Variants in ADAMTS3 observed in about 807,000 individuals in gnomAD.
ADAMTS3 encodes the protein A disintegrin and metalloproteinase with thrombospondin motifs 3.
ADAMTS3 carries 73 observed loss-of-function variants against 129.0 expected under a neutral mutation model. The observed-to-expected ratio is 0.57, with a 90% CI of 0.47 to 0.69. ADAMTS3 has a LOEUF of 0.69. Among genes scored for constraint, ADAMTS3 ranks in the 30% least tolerant of loss-of-function variants. The probability of loss-of-function intolerance (pLI) is 0.00; values close to 1 mark genes in which losing one functional copy is unlikely to be tolerated. For synonymous variants in ADAMTS3, 477 were observed against 510.8 expected (o/e 0.93, Z 0.89); for missense variants, 1,457 against 1,514.5 (o/e 0.96, Z 0.63).
chr4:72,567,439 T>C (rs755209611), intron 1 of ADAMTS3, 38 bp from the exon 2 acceptor site: 3 of 1,604,990 alleles, frequency 1.9e-6, no homozygotes, highest in Admixed American at 1.7e-5. Context: ...AGAAAGTTAC[T>C]GGGTTTCATC....
chr4:72,550,297 G>A (rs904130783), intron 2 of ADAMTS3, among the ~76,000 whole-genome samples: 2 of 152,062 alleles, frequency 1.3e-5, no homozygotes, highest in South Asian at 2.1e-4. Context: ...CATGAGATCT[G>A]TAAATGAACC....
intron 4 of ADAMTS3, among the ~76,000 whole-genome samples, chr4:72,340,831 C>A (rs756426746): frequency 6.6e-6 from 1 of 152,052 alleles, no homozygotes; most frequent in Non-Finnish European, 1.5e-5. Context: ...AGAGAGTATT[C>A]AAAACTGCTG....
intron 3 of ADAMTS3, among the ~76,000 whole-genome samples, chr4:72,537,536 G>T (rs1402635015): frequency 6.6e-6 from 1 of 152,022 alleles, no homozygotes; most frequent in East Asian, 1.9e-4. Flanking sequence ...GCTCAGAAAA[G>T]ACCTGAGAAG....
chr4:72,514,986 T>G (rs569879890), intron 3 of ADAMTS3, among the ~76,000 whole-genome samples: 1 of 152,024 alleles, frequency 6.6e-6, no homozygotes, highest in Non-Finnish European at 1.5e-5. Flanking sequence ...CCCTCCCCGC[T>G]ACCCCCACCC....
At chr4:72,425,953 G>A (rs1376772030) in intron 3 of ADAMTS3, among the ~76,000 whole-genome samples, 1 of 152,092 alleles carries the variant, frequency 6.6e-6, no homozygotes, top group Non-Finnish European at 1.5e-5. Context: ...CCCATCAACA[G>A]TGTAAAAGTG....
At position 72,283,216 on chromosome 4, in the gene ADAMTS3, A is replaced by G; in HGVS notation, c.3538T>C (p.Ser1180Pro). The G allele has an allele frequency of 2.5e-6, 4 of 1,613,912 alleles. No homozygotes were observed. Among genetic ancestry groups the G allele is most frequent in the Non-Finnish European group, 3.4e-6 (4 of 1,179,936 alleles). The change falls in exon 22 of 22, where the codon TCT becomes CCT. Residue 1180 changes from serine to proline, a missense_variant. Transcript: ENST00000286657. ...FAASDSIGAS[S>P]QARTSKKDGK... ...TCTTTCTTTGAGGTTCTTGCCTGAG[A>G]AGAAGCACCTATTGAATCACTGGCT... is the stretch of plus-strand genomic sequence containing the variant.
intron 4 of ADAMTS3, among the ~76,000 whole-genome samples, chr4:72,369,767 A>G (rs1457069285): frequency 6.6e-6 from 1 of 152,060 alleles, no homozygotes; most frequent in Non-Finnish European, 1.5e-5. Flanking sequence ...ACAAAAAAAA[A>G]AAACTTTGAA....
At chr4:72,386,454 A>G (rs1002181147) in intron 4 of ADAMTS3, among the ~76,000 whole-genome samples, 4 of 151,908 alleles carry the variant, frequency 2.6e-5, no homozygotes, top group African/African-American at 9.7e-5. Context: ...CAAAGCAAGG[A>G]ATCTGTGTTC....
intron 4 of ADAMTS3, among the ~76,000 whole-genome samples, chr4:72,366,080 T>A (rs760190202): frequency 6.6e-6 from 1 of 152,204 alleles, no homozygotes; most frequent in Non-Finnish European, 1.5e-5. Context: ...TATTTAGCTT[T>A]AAGCAAATGA....
In ADAMTS3 at chr4:72,558,872, G is replaced by A. The variant is rs148347487; in HGVS notation, c.97+8502C>T. Among the ~76,000 whole-genome samples the A allele has an allele frequency of 1.3e-4, 20 of 151,774 alleles. 1 individual carries two copies. The highest frequency in any genetic ancestry group is 4.9e-4 in the African/African-American group (20 of 41,114). On this transcript the variant is annotated intron_variant, in intron 2 of 21. Transcript: ENST00000286657. ...ACCACAGTGAATGATTCAAGCTTAT[G>A]ACTAAATCAAGTAGCCAATAAAATC...
chr4:72,376,809 A>AT (rs943193414), intron 4 of ADAMTS3, among the ~76,000 whole-genome samples: 1 of 152,156 alleles, frequency 6.6e-6, no homozygotes, highest in Non-Finnish European at 1.5e-5. Flanking sequence ...AGGCTGTTCC[A>AT]TATTTGTCTT....
chr4:72,471,648 G>A (rs1221952453), intron 3 of ADAMTS3, among the ~76,000 whole-genome samples: 1 of 151,926 alleles, frequency 6.6e-6, no homozygotes, highest in Non-Finnish European at 1.5e-5. Context: ...TATCAAGCCA[G>A]GCAAGAAAAA....
At chr4:72,319,837 T>C (rs534802410) in intron 8 of ADAMTS3, 21 bp downstream of exon 8, 2 of 1,577,952 alleles carry the variant, frequency 1.3e-6, no homozygotes, top group African/African-American at 1.3e-5. Flanking sequence ...TTTGGCTTTA[T>C]AGCTGTCAGC....
At chr4:72,354,405 G>T (rs1720521636) in intron 4 of ADAMTS3, among the ~76,000 whole-genome samples, 1 of 151,828 alleles carries the variant, frequency 6.6e-6, no homozygotes, top group Non-Finnish European at 1.5e-5. Flanking sequence ...TCAACAGAGT[G>T]AATTATCACA....
At chr4:72,458,360 T>TA (rs1027681345) in intron 3 of ADAMTS3, among the ~76,000 whole-genome samples, 10 of 149,468 alleles carry the variant, frequency 6.7e-5, no homozygotes, top group African/African-American at 9.8e-5. Context: ...CGATGTTAAT[T>TA]AAAAAAAAAG....
At chr4:72,416,204 A>AATATATATATTCATATATGTAT (rs1211091038) in intron 3 of ADAMTS3, among the ~76,000 whole-genome samples, 101 of 148,184 alleles carry the variant, frequency 6.8e-4, no homozygotes, top group African/African-American at 2.0e-3. Flanking sequence ...TATGTATATA[A>AATATATATATTCATATATGTAT]ATAAATAAAT....
intron 2 of ADAMTS3, among the ~76,000 whole-genome samples, chr4:72,565,320 C>G (rs1721995638): frequency 6.6e-6 from 1 of 152,082 alleles, no homozygotes; most frequent in East Asian, 1.9e-4. Context: ...GATCAAATAA[C>G]ACGTCCCCAG....
At position 72,342,487 on chromosome 4, in the gene ADAMTS3, C is replaced by T. The variant is rs542406038; in HGVS notation, c.662-2794G>A. On this transcript the variant is annotated intron_variant, in intron 4 of 21. Coordinates refer to ENST00000286657, the MANE Select transcript of ADAMTS3 (RefSeq NM_014243.3). ...CAAGTGATTCTTGTGCCTCAACCTC[C>T]CGAGTAGCTGGGATTACAGGCACAC... Among the ~76,000 whole-genome samples, 275 of 151,980 alleles carry T rather than the reference C, an allele frequency of 1.8e-3. 1 individual carries two copies. Among genetic ancestry groups the T allele is most frequent in the African/African-American group, 6.0e-3 (249 of 41,452 alleles).
intron 3 of ADAMTS3, among the ~76,000 whole-genome samples, chr4:72,467,190 G>C (rs1031687090): frequency 1.3e-5 from 2 of 151,860 alleles, no homozygotes; most frequent in Non-Finnish European, 2.9e-5. Context: ...GCTTTTTCTG[G>C]CTTTATTTCT....
Sources: allele counts gnomAD v4.1 joint callset (sites outside exome capture counted in the v4.1 genomes callset), GRCh38; gene constraint gnomAD v4.1.1; transcripts MANE v1.5; gene names NCBI Gene and HGNC (gene_info 2026-07-23, HGNC 2026-07-21).